The following TRIM24 variants were observed in gnomAD, a reference collection of about 807,000 sequenced individuals.
TRIM24 encodes the protein tripartite motif containing 24.
Under a neutral mutation model 123.9 loss-of-function variants are expected in TRIM24, and 29 were observed. The observed-to-expected ratio is 0.23, with a 90% CI of 0.17 to 0.32. The LOEUF (loss-of-function observed/expected upper bound fraction) is 0.32, where lower values mean the gene tolerates loss of function less well. Ranked by LOEUF, TRIM24 falls within the 10% of genes least tolerant of loss-of-function variation. The pLI, the probability that TRIM24 is intolerant of heterozygous loss-of-function variation, is 1.00. For synonymous variants in TRIM24, 456 were observed against 461.1 expected, an observed-to-expected ratio of 0.99 and a Z score of 0.14; for missense variants, 932 against 1,295.3, an observed-to-expected ratio of 0.72 and a Z score of 4.31.
At chr7:138,542,073 C>T (rs1797015583) in intron 7 of TRIM24, among the ~76,000 whole-genome samples, 1 of 152,168 alleles carries the variant, frequency 6.6e-6, no homozygotes, top group Admixed American at 6.5e-5. Flanking sequence ...CTATCAAGAC[C>T]ACAAAACTTT....
intron 11 of TRIM24, among the ~76,000 whole-genome samples, chr7:138,572,756 A>G (rs1156791942): frequency 6.6e-6 from 1 of 152,250 alleles, no homozygotes; most frequent in Non-Finnish European, 1.5e-5. Flanking sequence ...GCCCAAAGAC[A>G]TTGGTGGGAA....
intron 1 of TRIM24, among the ~76,000 whole-genome samples, chr7:138,462,848 A>G (rs979638522): frequency 6.6e-6 from 1 of 151,352 alleles, no homozygotes; most frequent in Non-Finnish European, 1.5e-5. Flanking sequence ...GAAAGCTTAA[A>G]CCTTAGTTCT....
At chr7:138,551,812 C>A (rs914571948) in intron 8 of TRIM24, among the ~76,000 whole-genome samples, 2 of 152,126 alleles carry the variant, frequency 1.3e-5, no homozygotes, top group Non-Finnish European at 2.9e-5. Context: ...ATTGGCTTAT[C>A]TTTACAACTA....
intron 1 of TRIM24, among the ~76,000 whole-genome samples, chr7:138,498,521 G>A (rs902770000): frequency 6.6e-6 from 1 of 152,066 alleles, no homozygotes; most frequent in Admixed American, 6.5e-5. Context: ...AGTGTGCCTG[G>A]CCCCCTGTGT....
intron 3 of TRIM24, among the ~76,000 whole-genome samples, chr7:138,517,659 C>A (rs1017282644): frequency 1.3e-5 from 2 of 152,148 alleles, no homozygotes; most frequent in Non-Finnish European, 2.9e-5. Context: ...CAGATGTGAG[C>A]CACCACGCCT....
intron 6 of TRIM24, among the ~76,000 whole-genome samples, chr7:138,536,883 G>A (rs184608219): frequency 8.5e-5 from 13 of 152,160 alleles, no homozygotes; most frequent in South Asian, 2.1e-4. Flanking sequence ...CTTCCTGGCC[G>A]CTTTGTTTAC....
intron 1 of TRIM24, among the ~76,000 whole-genome samples, chr7:138,474,047 A>G (rs1795343284): frequency 6.6e-6 from 1 of 152,136 alleles, no homozygotes; most frequent in African/African-American, 2.4e-5. Context: ...CTAGGATTAC[A>G]GGCATGAGCC....
At chr7:138,508,692 T>TGTGTGTGTGTGTGTGTGCGCGCGC (rs1422176564) in intron 2 of TRIM24, among the ~76,000 whole-genome samples, 1 of 137,214 alleles carries the variant, frequency 7.3e-6, no homozygotes, top group African/African-American at 2.8e-5. Flanking sequence ...TGTGTGTGTG[T>TGTGTGTGTGTGTGTGTGCGCGCGC]GCGCGCGCGT....
intron 1 of TRIM24, among the ~76,000 whole-genome samples, chr7:138,462,402 G>A (rs951480249): frequency 2.7e-5 from 4 of 148,352 alleles, no homozygotes; most frequent in Non-Finnish European, 4.5e-5. Context: ...GTGCAGTGGC[G>A]CGATCTCGGC....
At chr7:138,466,520 A>G (rs1338330281) in intron 1 of TRIM24, among the ~76,000 whole-genome samples, 1 of 121,828 alleles carries the variant, frequency 8.2e-6, no homozygotes, top group African/African-American at 3.3e-5. Flanking sequence ...ACTGGAGTGC[A>G]GTGGCGCCAT....
At chr7:138,539,275 T>C (rs1462001200) in intron 7 of TRIM24, among the ~76,000 whole-genome samples, 5 of 152,166 alleles carry the variant, frequency 3.3e-5, no homozygotes, top group Non-Finnish European at 7.3e-5. Flanking sequence ...ATCTCAGACA[T>C]GACCTGAGCC....
At chr7:138,534,098 TTC>T (rs1420037070) in intron 6 of TRIM24, among the ~76,000 whole-genome samples, 1 of 151,750 alleles carries the variant, frequency 6.6e-6, no homozygotes, top group Non-Finnish European at 1.5e-5. Flanking sequence ...TGTTTGATTG[TTC>T]TCTGTTTTCT....
chr7:138,566,947 G>A (rs1797547292), intron 9 of TRIM24, among the ~76,000 whole-genome samples: 1 of 152,198 alleles, frequency 6.6e-6, no homozygotes, highest in East Asian at 1.9e-4. Context: ...TAAATTTTCT[G>A]TGCTTTATTT....
At chr7:138,501,258 G>A (rs1796032922) in intron 1 of TRIM24, among the ~76,000 whole-genome samples, 1 of 151,688 alleles carries the variant, frequency 6.6e-6, no homozygotes. Flanking sequence ...TTTTGAGATG[G>A]AGTCTCTGTC....
chr7:138,531,488 A>G (rs1369117681), intron 6 of TRIM24, among the ~76,000 whole-genome samples: 2 of 151,368 alleles, frequency 1.3e-5, no homozygotes, highest in African/African-American at 4.9e-5. Context: ...TGTCCCTGCG[A>G]TAGTTTGCTG....
intron 4 of TRIM24, among the ~76,000 whole-genome samples, chr7:138,523,649 G>T (rs1796548482): frequency 6.6e-6 from 1 of 151,030 alleles, no homozygotes; most frequent in African/African-American, 2.4e-5. Context: ...TACTCGGGAG[G>T]CTGAGGCAGG....
chr7:138,519,328 G>T lies in TRIM24; in HGVS notation c.764+7G>T, dbSNP rs989858274. 1 of 1,597,092 alleles carries T rather than the reference G, an allele frequency of 6.3e-7. No homozygotes were observed. The highest frequency in any genetic ancestry group is 8.5e-7 in the Non-Finnish European group (1 of 1,172,980). On this transcript the variant is annotated splice_region_variant and intron_variant, in intron 4 of 18. Coordinates refer to ENST00000343526, the MANE Select transcript of TRIM24 (RefSeq NM_015905.3). ...TAGAACATAAAGAGCATAGGTACCA[G>T]CATCTTTGGTTATATATATAGATTC...
At chr7:138,484,642 T>C (rs1401821694) in intron 1 of TRIM24, among the ~76,000 whole-genome samples, 1 of 152,232 alleles carries the variant, frequency 6.6e-6, no homozygotes, top group African/African-American at 2.4e-5. Flanking sequence ...TGGCCTGTGG[T>C]TTTTCTTTGT....
intron 7 of TRIM24, among the ~76,000 whole-genome samples, chr7:138,547,789 G>T (rs1304221490): frequency 1.3e-5 from 2 of 152,198 alleles, no homozygotes; most frequent in East Asian, 3.9e-4. Flanking sequence ...GATTACAGGT[G>T]CATGCCACCA....
Sources: gnomAD v4.1 joint callset for allele counts (sites outside exome capture counted in the v4.1 genomes callset) on GRCh38, gnomAD v4.1.1 for gene constraint, MANE v1.5 for transcripts, NCBI Gene and HGNC (gene_info 2026-07-23, HGNC 2026-07-21) for gene names.